The following STXBP4 variants were observed in gnomAD, a reference collection of about 807,000 sequenced individuals.
The protein encoded by STXBP4 is syntaxin-binding protein 4.
STXBP4 carries 55 observed loss-of-function variants against 76.1 expected under a neutral mutation model. The observed-to-expected ratio is 0.72, with a 90% CI of 0.58 to 0.91. The LOEUF is 0.91. STXBP4 is among the 40% of genes least tolerant of loss of function. The pLI is 0.00. For missense variants in STXBP4, 618 were observed against 636.9 expected, an observed-to-expected ratio of 0.97 and a Z score of 0.32; for synonymous variants, 201 against 220.2, an observed-to-expected ratio of 0.91 and a Z score of 0.77.
At chr17:55,033,262 T>C (rs939902756) in intron 9 of STXBP4, among the ~76,000 whole-genome samples, 4 of 152,020 alleles carry the variant, frequency 2.6e-5, no homozygotes. Context: ...TAATCCCAGC[T>C]ACTCAGGAGG....
rs1228502093 is a variant in STXBP4, at chr17:55,172,526, T to C, written c.*12615T>C. 1 of 152,192 alleles carries C rather than the reference T, an allele frequency of 6.6e-6. No individual in the cohort carries two copies. The highest frequency in any genetic ancestry group is 1.5e-5 in the Non-Finnish European group (1 of 68,040). The allele number at this position is 152,192 out of a possible 1,614,324, so 9.4% of individuals were successfully genotyped here. ...TGCTGCAGTCAGATACACACACATATTTCAACTGCATAACTTCCTTTAATA... is the reference window on the plus strand; with the variant it reads ...TGCTGCAGTCAGATACACACACATACTTCAACTGCATAACTTCCTTTAATA... On this transcript the variant is annotated 3_prime_UTR_variant, in exon 18 of 18. Transcript: ENST00000376352.
chr17:55,167,406 G>A lies in STXBP4; in HGVS notation c.*7495G>A, dbSNP rs1047492680. The stretch of plus-strand genomic sequence containing the variant: ...ACAAAGATTGAATTAAGAAGGAAAT[G>A]AGGTGGGGGTTTAAGTAAGCATGTC... On this transcript the variant is annotated 3_prime_UTR_variant, in exon 18 of 18. Transcript: ENST00000376352. 1.3e-5 allele frequency: 2 copies of A among 152,224 alleles called. No individual in the cohort carries two copies. Among genetic ancestry groups the A allele is most frequent in the African/African-American group, 4.8e-5 (2 of 41,462 alleles). The allele number at this position is 152,224 out of a possible 1,614,324, so 9.4% of individuals were successfully genotyped here.
intron 16 of STXBP4, among the ~76,000 whole-genome samples, chr17:55,089,409 A>G (rs546014098): frequency 6.6e-6 from 1 of 152,320 alleles, no homozygotes; most frequent in East Asian, 1.9e-4. Flanking sequence ...ATGTTGTGTT[A>G]GAATGTAATT....
At chr17:55,045,486 C>T (rs1446289704) in intron 11 of STXBP4, among the ~76,000 whole-genome samples, 2 of 151,988 alleles carry the variant, frequency 1.3e-5, no homozygotes, top group African/African-American at 2.4e-5. Context: ...TATAGTTTAT[C>T]ATTGTTAACT....
intron 4 of STXBP4, among the ~76,000 whole-genome samples, chr17:54,995,251 C>G (rs1308289730): frequency 2.6e-5 from 4 of 152,168 alleles, no homozygotes; most frequent in African/African-American, 9.7e-5. Flanking sequence ...TCCACTGGCA[C>G]CATTTGGGCT....
intron 16 of STXBP4, among the ~76,000 whole-genome samples, chr17:55,106,583 T>C (rs552587047): frequency 7.5e-4 from 114 of 152,354 alleles, no homozygotes; most frequent in Non-Finnish European, 1.5e-3. Flanking sequence ...TGGTATGTTT[T>C]TGCAGTGGCT....
chr17:55,202,014 CCTTTATT>C, the STXBP4 span, among the ~76,000 whole-genome samples: 5 of 152,068 alleles, frequency 3.3e-5, no homozygotes, highest in African/African-American at 7.2e-5. Flanking sequence ...TTTCTCTTGT[CCTTTATT>C]CTTTAGTATC....
chr17:55,078,687 C>G lies in STXBP4; in HGVS notation c.1307C>G (p.Ala436Gly). The G allele has an allele frequency of 6.4e-7, 1 of 1,555,360 alleles. No homozygotes were observed. The highest frequency in any genetic ancestry group is 2.3e-5 in the East Asian group (1 of 44,392). Residue 436 changes from alanine to glycine, a missense_variant and splice_region_variant, in exon 15 of 18, where the codon GCT becomes GGT. Coordinates refer to ENST00000376352, the MANE Select transcript of STXBP4 (RefSeq NM_178509.6). Reference protein sequence around the residue: ...STEKLLHFVEAIQEVFSDNST... With the variant: ...STEKLLHFVEGIQEVFSDNST... ...CTTCACCATCTTGTTTGTTGCTAGG[C>G]TATTCAAGAAGTATTTTCTGATAAT...
intron 16 of STXBP4, among the ~76,000 whole-genome samples, chr17:55,097,233 C>T (rs1238727168): frequency 1.3e-5 from 2 of 152,154 alleles, no homozygotes; most frequent in African/African-American, 4.8e-5. Flanking sequence ...AGTGAGAAAA[C>T]TTGCTTCTTA....
intron 8 of STXBP4, among the ~76,000 whole-genome samples, chr17:55,016,193 C>T (rs2078205319): frequency 6.6e-6 from 1 of 152,120 alleles, no homozygotes; most frequent in African/African-American, 2.4e-5. Context: ...TTCCAGGGTG[C>T]GTCACCACCC....
At chr17:55,206,249 A>G in the STXBP4 span, among the ~76,000 whole-genome samples, 2 of 152,272 alleles carry the variant, frequency 1.3e-5, no homozygotes, top group South Asian at 4.1e-4. Context: ...AGAGAGCTGA[A>G]CCCAGTAACC....
chr17:55,140,157 G>T (rs1293541174), intron 16 of STXBP4, among the ~76,000 whole-genome samples: 1 of 151,908 alleles, frequency 6.6e-6, no homozygotes, highest in Non-Finnish European at 1.5e-5. Context: ...ATTTAAAAAA[G>T]ATTAGTCAGG....
chr17:55,056,555 T>C (rs2078925228), intron 12 of STXBP4, among the ~76,000 whole-genome samples: 1 of 152,214 alleles, frequency 6.6e-6, no homozygotes, highest in Non-Finnish European at 1.5e-5. Context: ...CAAGATCTTT[T>C]CAAAGCTACA....
At chr17:55,150,760 G>A (rs907812755) in intron 17 of STXBP4, among the ~76,000 whole-genome samples, 1 of 152,124 alleles carries the variant, frequency 6.6e-6, no homozygotes, top group African/African-American at 2.4e-5. Flanking sequence ...GAAGAGAAGG[G>A]TAGGCAGAAT....
At chr17:55,196,642 A>G in the STXBP4 span, among the ~76,000 whole-genome samples, 1 of 152,232 alleles carries the variant, frequency 6.6e-6, no homozygotes, top group Non-Finnish European at 1.5e-5. Flanking sequence ...GTTCCCCACA[A>G]CTAGACTGTG....
At chr17:55,090,180 T>A (rs1343297178) in intron 16 of STXBP4, among the ~76,000 whole-genome samples, 1 of 152,070 alleles carries the variant, frequency 6.6e-6, no homozygotes, top group Non-Finnish European at 1.5e-5. Context: ...CACTCTTTTT[T>A]ATCTTAGTGA....
chr17:55,002,036 A>G (rs1048324541), intron 7 of STXBP4, among the ~76,000 whole-genome samples: 2 of 152,328 alleles, frequency 1.3e-5, no homozygotes, highest in Middle Eastern at 3.4e-3. Context: ...ATCTTAAGCC[A>G]TGAGTTATAT....
intron 8 of STXBP4, among the ~76,000 whole-genome samples, chr17:55,024,478 G>A (rs563374731): frequency 2.0e-5 from 3 of 152,312 alleles, no homozygotes; most frequent in East Asian, 1.9e-4. Flanking sequence ...TTCTGATGGT[G>A]GAGGCTTTGA....
At chr17:55,156,986 T>G (rs997138977) in intron 17 of STXBP4, among the ~76,000 whole-genome samples, 11 of 152,166 alleles carry the variant, frequency 7.2e-5, no homozygotes, top group Admixed American at 5.2e-4. Flanking sequence ...AATTAGCAAT[T>G]TAATGGAATG....
Sources: allele counts gnomAD v4.1 joint callset (sites outside exome capture counted in the v4.1 genomes callset), GRCh38; gene constraint gnomAD v4.1.1; transcripts MANE v1.5; gene names NCBI Gene and HGNC (gene_info 2026-07-23, HGNC 2026-07-21).